The following CPEB2 variants were observed in gnomAD, a reference collection of about 807,000 sequenced individuals.
CPEB2 encodes the protein cytoplasmic polyadenylation element-binding protein 2.
Under a neutral mutation model 93.6 loss-of-function variants are expected in CPEB2, and 56 were observed. The observed-to-expected ratio is 0.60, with a 90% CI of 0.48 to 0.75. The LOEUF is 0.75. CPEB2 is among the 30% of genes least tolerant of loss of function. The pLI is 0.00. For synonymous variants in CPEB2, 764 were observed against 586.3 expected (o/e 1.30, Z -4.38); for missense variants, 1,579 against 1,395.1 (o/e 1.13, Z -2.10).
intron 4 of CPEB2, among the ~76,000 whole-genome samples, chr4:15,021,624 A>C (rs1724828162): frequency 6.6e-6 from 1 of 152,160 alleles, no homozygotes. Flanking sequence ...TCTAGGAAGA[A>C]ATGTAGTTTA....
In CPEB2 at chr4:15,008,444, A is replaced by G. The variant is rs1723092908; in HGVS notation, c.2034+17A>G. 1 of 1,576,432 alleles carries G rather than the reference A, an allele frequency of 6.3e-7. No individual in the cohort carries two copies. The highest frequency in any genetic ancestry group is 1.3e-5 in the African/African-American group (1 of 74,164). ...ATAGACCAGGTAGGCTGCACAGTGTATACTTTTTAGGATTTCGGTTAGGAG... is the reference window on the plus strand; with the variant it reads ...ATAGACCAGGTAGGCTGCACAGTGTGTACTTTTTAGGATTTCGGTTAGGAG... On this transcript the variant is annotated intron_variant, in intron 3 of 11. Transcript: ENST00000538197.
intron 5 of CPEB2, among the ~76,000 whole-genome samples, chr4:15,037,139 A>G (rs1303457098): frequency 1.4e-4 from 21 of 152,224 alleles, no homozygotes; most frequent in South Asian, 2.1e-4. Flanking sequence ...CGTCTCTACT[A>G]AAAATACAAA....
At position 15,066,218 on chromosome 4, in the gene CPEB2, T is replaced by C. The variant is rs746182383; in HGVS notation, c.2943T>C (p.Gly981=). Residue 981 remains glycine, a synonymous_variant, in exon 12 of 12, where the codon GGT becomes GGC. Transcript: ENST00000538197. ...ATGAATGCCAGGGCGCACGCTGTGG[T>C]GGAAAATTTGCTCCCTTTTTTTGTG... ...MCDECQGARC[G]GKFAPFFCAN... The C allele has an allele frequency of 1.2e-6, 2 of 1,613,532 alleles. No homozygotes were observed. Among genetic ancestry groups the C allele is most frequent in the East Asian group, 2.2e-5 (1 of 44,850 alleles).
chr4:15,058,541 T>C lies in CPEB2; in HGVS notation c.2580+2T>C. 6.6e-7 allele frequency: 1 copy of C among 1,508,892 alleles called. No homozygotes were observed. Among genetic ancestry groups the C allele is most frequent in the Non-Finnish European group, 9.2e-7 (1 of 1,088,392 alleles). 93.5% of individuals were successfully genotyped at this position (1,508,892 alleles called of 1,614,324 possible). On this transcript the variant is annotated splice_donor_variant, in intron 9 of 11. Coordinates refer to ENST00000538197, the MANE Select transcript of CPEB2 (RefSeq NM_001177382.2). LOFTEE classifies it high-confidence loss of function. ...AGCCCTACTATCAAGGACAAACCAGTAAGTAAATACCACATGAACTTCAGG... is the reference window on the plus strand; with the variant it reads ...AGCCCTACTATCAAGGACAAACCAGCAAGTAAATACCACATGAACTTCAGG...
At chr4:15,030,556 T>C (rs1207025820) in intron 4 of CPEB2, among the ~76,000 whole-genome samples, 1 of 152,116 alleles carries the variant, frequency 6.6e-6, no homozygotes, top group Non-Finnish European at 1.5e-5. Flanking sequence ...GGCAGGTTTT[T>C]AGCGAAAGTA....
intron 6 of CPEB2, among the ~76,000 whole-genome samples, chr4:15,047,862 C>G (rs967934340): frequency 6.8e-6 from 1 of 148,130 alleles, no homozygotes; most frequent in Non-Finnish European, 1.5e-5. Flanking sequence ...TTTAAATGCT[C>G]TTTATTGGAT....
chr4:15,017,084 A>T, intron 3 of CPEB2, 104 bp from the exon 4 acceptor site: 2 of 659,236 alleles, frequency 3.0e-6, no homozygotes, highest in Non-Finnish European at 5.4e-6. Context: ...AATTAGTAAT[A>T]ATCAGAAGTC....
At chr4:15,065,245 G>C (rs1356790489) in intron 11 of CPEB2, among the ~76,000 whole-genome samples, 1 of 151,894 alleles carries the variant, frequency 6.6e-6, no homozygotes, top group Non-Finnish European at 1.5e-5. Context: ...ACAAACTGTT[G>C]GGTCATTACT....
intron 7 of CPEB2, 98 bp from the exon 8 acceptor site, chr4:15,054,030 G>T (rs971341695): frequency 8.6e-6 from 6 of 701,038 alleles, no homozygotes; most frequent in Non-Finnish European, 4.9e-6. Flanking sequence ...AAGGTATTTG[G>T]CACTTTTAAA....
At chr4:15,026,360 G>A (rs1454483698) in intron 4 of CPEB2, among the ~76,000 whole-genome samples, 1 of 151,696 alleles carries the variant, frequency 6.6e-6, no homozygotes, top group African/African-American at 2.4e-5. Context: ...CCAAGTAACT[G>A]GGACTAGAAG....
Position 15,003,664 on chromosome 4 carries a change from G to C in CPEB2, c.991G>C (p.Gly331Arg), listed in dbSNP as rs1360856011. The C allele has an allele frequency of 2.0e-6, 3 of 1,470,078 alleles. No homozygotes were observed. The highest frequency in any genetic ancestry group is 2.7e-6 in the Non-Finnish European group (3 of 1,113,892). The allele number at this position is 1,470,078 out of a possible 1,614,324, so 91.1% of individuals were successfully genotyped here. ...LLNSPSNLLPGGALGAGAFSS... is the reference protein window; with the variant it reads ...LLNSPSNLLPRGALGAGAFSS... ...CAACAGTCCCAGTAACCTCCTGCCC[G>C]GAGGTGCGCTTGGCGCGGGCGCCTT... Residue 331 changes from glycine to arginine, a missense_variant, in exon 1 of 12, where the codon GGA (glycine) becomes CGA (arginine). This residue lies in a region of CPEB2 where 1,411 missense variants were observed against 1,056.0 expected (regional missense o/e 1.34). Coordinates refer to ENST00000538197, the MANE Select transcript of CPEB2 (RefSeq NM_001177382.2).
Position 15,003,624 on chromosome 4 carries a change from C to T in CPEB2, c.951C>T (p.Pro317=). The change falls in exon 1 of 12, where the codon CCC becomes CCT. Residue 317 remains proline (P), a synonymous_variant. Coordinates refer to ENST00000538197, the MANE Select transcript of CPEB2 (RefSeq NM_001177382.2). ...VNPAPGSMES[P]NHPLLNSPSN... is the part of the protein sequence containing the mutation. ...CCGCGCCGGGCTCCATGGAGTCCCC[C>T]AACCACCCTCTGCTCAACAGTCCCA... is the stretch of plus-strand genomic sequence containing the variant. 1 of 1,481,926 alleles carries T rather than the reference C, an allele frequency of 6.7e-7. No homozygotes were observed. The highest frequency in any genetic ancestry group is 8.9e-7 in the Non-Finnish European group (1 of 1,120,750). 91.8% of individuals were successfully genotyped at this position (1,481,926 alleles called of 1,614,324 possible).
At chr4:15,046,119 A>G (rs1373293051) in intron 6 of CPEB2, among the ~76,000 whole-genome samples, 1 of 152,210 alleles carries the variant, frequency 6.6e-6, no homozygotes, top group Non-Finnish European at 1.5e-5. Context: ...TGGATGTATA[A>G]GTAAAAGTGG....
intron 3 of CPEB2, among the ~76,000 whole-genome samples, chr4:15,011,051 T>C (rs1016823897): frequency 5.9e-5 from 9 of 151,930 alleles, no homozygotes; most frequent in Admixed American, 2.0e-4. Flanking sequence ...ATTATAAACA[T>C]TTCTGACTTT....
At chr4:15,059,845 G>T (rs1168672090) in intron 10 of CPEB2, among the ~76,000 whole-genome samples, 1 of 152,106 alleles carries the variant, frequency 6.6e-6, no homozygotes, top group Non-Finnish European at 1.5e-5. Context: ...TGTGCACCAT[G>T]TGTAGAGTGT....
chr4:15,024,503 T>G (rs371789063), intron 4 of CPEB2, among the ~76,000 whole-genome samples: 1 of 152,158 alleles, frequency 6.6e-6, no homozygotes, highest in Non-Finnish European at 1.5e-5. Flanking sequence ...TATGATTGCC[T>G]TGATTTCTTA....
chr4:15,059,169 A>G lies in CPEB2; in HGVS notation c.2581-18A>G, dbSNP rs370947233. The G allele has an allele frequency of 2.1e-5, 30 of 1,460,264 alleles. No individual in the cohort carries two copies. Among genetic ancestry groups the G allele is most frequent in the African/African-American group, 2.8e-5 (2 of 71,666 alleles). 90.5% of individuals were successfully genotyped at this position (1,460,264 alleles called of 1,614,324 possible). A position where few individuals can be genotyped will look rare whatever the true frequency, so the allele number is the denominator to read the frequency against. ...TAAGACATCAAGGGAGTAAGACCCA[A>G]TGTAATTTTCTTCATAGGTTCAAAT... is the stretch of plus-strand genomic sequence containing the variant. On this transcript the variant is annotated intron_variant, in intron 9 of 11. Transcript: ENST00000538197.
intron 6 of CPEB2, among the ~76,000 whole-genome samples, chr4:15,044,702 C>G (rs1413053549): frequency 6.6e-6 from 1 of 152,106 alleles, no homozygotes; most frequent in East Asian, 1.9e-4. Context: ...ATAGATCAAT[C>G]TGAAATATAC....
chr4:15,056,611 A>G (rs1224774523), intron 8 of CPEB2, among the ~76,000 whole-genome samples: 1 of 152,166 alleles, frequency 6.6e-6, no homozygotes, highest in Non-Finnish European at 1.5e-5. Context: ...TTGTTCTTTC[A>G]AGCAATTTTA....
Sources: allele counts gnomAD v4.1 joint callset (sites outside exome capture counted in the v4.1 genomes callset), GRCh38; gene constraint gnomAD v4.1.1; regional missense constraint gnomAD v4.1.1; transcripts MANE v1.5; gene names NCBI Gene and HGNC (gene_info 2026-07-23, HGNC 2026-07-21).